SNTG1: variants seen among roughly 807,000 people sequenced by gnomAD.
SNTG1 encodes gamma-1-syntrophin.
SNTG1 carries 39 observed loss-of-function variants against 74.7 expected under a neutral mutation model. The ratio of observed to expected loss-of-function variants is 0.52; its 90% confidence interval spans 0.40 to 0.68. The LOEUF is 0.68. Among genes scored for constraint, SNTG1 ranks in the 30% least tolerant of loss-of-function variants. The pLI is 0.00. For synonymous variants in SNTG1, 254 were observed against 217.1 expected (o/e 1.17, Z -1.49); for missense variants, 685 against 609.5 (o/e 1.12, Z -1.30).
intron 13 of SNTG1, among the ~76,000 whole-genome samples, chr8:50,639,001 T>A (rs2095056074): frequency 6.6e-6 from 1 of 152,144 alleles, no homozygotes; most frequent in South Asian, 2.1e-4. Flanking sequence ...TTGTTGCTAT[T>A]GTTTTTTAAA....
At chr8:50,763,907 A>AC (rs2095606750) in intron 18 of SNTG1, among the ~76,000 whole-genome samples, 1 of 117,828 alleles carries the variant, frequency 8.5e-6, no homozygotes, top group African/African-American at 5.8e-5. Context: ...ACACACACAC[A>AC]AAAATAACCA....
chr8:49,959,247 G>A (rs928021481), intron 1 of SNTG1, among the ~76,000 whole-genome samples: 1 of 152,216 alleles, frequency 6.6e-6, no homozygotes, highest in African/African-American at 2.4e-5. Context: ...CTGGGAAAGA[G>A]CATGCTGGTG....
At chr8:50,778,697 CTTTAGTTTAAT>C (rs1563830297) in intron 18 of SNTG1, among the ~76,000 whole-genome samples, 1 of 145,114 alleles carries the variant, frequency 6.9e-6, no homozygotes, top group Non-Finnish European at 1.5e-5. Context: ...TGCAGAAGCT[CTTTAGTTTAAT>C]TAGATCCCAT....
intron 18 of SNTG1, among the ~76,000 whole-genome samples, chr8:50,775,252 A>G (rs761552863): frequency 6.6e-6 from 1 of 151,546 alleles, no homozygotes; most frequent in Non-Finnish European, 1.5e-5. Flanking sequence ...TTAAATTGAA[A>G]GGTACTCTAG....
intron 1 of SNTG1, among the ~76,000 whole-genome samples, chr8:50,143,909 A>C (rs1171863119): frequency 1.3e-5 from 2 of 152,202 alleles, no homozygotes; most frequent in East Asian, 3.9e-4. Context: ...ATCAGTATTA[A>C]AAATTAGAAT....
intron 1 of SNTG1, among the ~76,000 whole-genome samples, chr8:49,952,671 G>A (rs1809828108): frequency 6.6e-6 from 1 of 152,226 alleles, no homozygotes; most frequent in Non-Finnish European, 1.5e-5. Flanking sequence ...GCAGTGATAG[G>A]ATTGTGCAGA....
At chr8:50,200,185 A>T (rs577396919) in intron 2 of SNTG1, among the ~76,000 whole-genome samples, 1 of 152,302 alleles carries the variant, frequency 6.6e-6, no homozygotes, top group East Asian at 1.9e-4. Flanking sequence ...AACTCTGTGA[A>T]TTAATTCCCG....
chr8:50,484,808 G>A (rs115807209), intron 8 of SNTG1, among the ~76,000 whole-genome samples: 3,549 of 150,946 alleles, frequency 0.024, 123 homozygotes, highest in African/African-American at 0.077. Context: ...TCAGTGAGCC[G>A]AGATCACGCT....
At chr8:50,509,055 T>C (rs142563274) in intron 9 of SNTG1, among the ~76,000 whole-genome samples, 8,262 of 152,286 alleles carry the variant, frequency 0.054, 339 homozygotes, top group South Asian at 0.18. Context: ...TGGTTTTAGG[T>C]CTAACATTTA....
intron 8 of SNTG1, among the ~76,000 whole-genome samples, chr8:50,476,159 TG>T (rs2093695688): frequency 6.6e-6 from 1 of 152,182 alleles, no homozygotes; most frequent in Admixed American, 6.6e-5. Flanking sequence ...TACTTAATTA[TG>T]GTTCCAAAGT....
intron 12 of SNTG1, among the ~76,000 whole-genome samples, chr8:50,558,175 C>G (rs2094467226): frequency 6.6e-6 from 1 of 152,124 alleles, no homozygotes; most frequent in Admixed American, 6.6e-5. Flanking sequence ...TTTCCAGAAC[C>G]TTTAGATAGA....
At chr8:50,536,559 A>C in intron 10 of SNTG1, 119 bp from the exon 11 acceptor site, 1 of 1,236,454 alleles carries the variant, frequency 8.1e-7, no homozygotes, top group Admixed American at 2.3e-5. Flanking sequence ...ATGGTATTCC[A>C]TTAAAGTCTT....
chr8:50,117,578 A>G (rs1164025843), intron 1 of SNTG1, among the ~76,000 whole-genome samples: 12 of 152,178 alleles, frequency 7.9e-5, no homozygotes, highest in Non-Finnish European at 1.6e-4. Context: ...ACCAGTCCTC[A>G]TGCCTCTCAG....
chr8:49,930,508 T>C (rs906399374), intron 1 of SNTG1, among the ~76,000 whole-genome samples: 1 of 149,704 alleles, frequency 6.7e-6, no homozygotes, highest in Admixed American at 6.7e-5. Flanking sequence ...AATATATATG[T>C]GTGTATATAT....
chr8:50,058,065 T>C (rs1294541470), intron 1 of SNTG1, among the ~76,000 whole-genome samples: 1 of 152,122 alleles, frequency 6.6e-6, no homozygotes, highest in African/African-American at 2.4e-5. Context: ...GGGTGAAAAA[T>C]CTAAAGCTCC....
At chr8:50,197,086 C>T (rs2083799758) in intron 2 of SNTG1, among the ~76,000 whole-genome samples, 1 of 152,024 alleles carries the variant, frequency 6.6e-6, no homozygotes, top group Non-Finnish European at 1.5e-5. Flanking sequence ...GGTTTATTTT[C>T]TTGAAAAGTA....
chr8:49,995,584 C>T (rs1199503026), intron 1 of SNTG1, among the ~76,000 whole-genome samples: 2 of 152,142 alleles, frequency 1.3e-5, no homozygotes, highest in Admixed American at 1.3e-4. Flanking sequence ...GCAGAGAATT[C>T]GGATTTATTC....
chr8:50,025,698 C>T (rs192463781), intron 1 of SNTG1, among the ~76,000 whole-genome samples: 1 of 152,208 alleles, frequency 6.6e-6, no homozygotes, highest in East Asian at 1.9e-4. Flanking sequence ...ACATTTCTGT[C>T]TCAGAAAAAA....
intron 15 of SNTG1, among the ~76,000 whole-genome samples, chr8:50,695,888 T>C (rs2131476396): frequency 6.6e-6 from 1 of 151,918 alleles, no homozygotes; most frequent in East Asian, 1.9e-4. Context: ...ATAGGTTGAT[T>C]CCATATGTTT....
Sources: gnomAD v4.1 joint callset for allele counts (sites outside exome capture counted in the v4.1 genomes callset) on GRCh38, gnomAD v4.1.1 for gene constraint, MANE v1.5 for transcripts, NCBI Gene and HGNC (gene_info 2026-07-23, HGNC 2026-07-21) for gene names.